Variants in AADAC observed in about 807,000 individuals in gnomAD.
AADAC encodes the protein arylacetamide deacetylase.
A neutral mutation model predicts 22.7 loss-of-function variants in AADAC; 17 were observed. That is an observed-to-expected ratio of 0.75 (90% CI 0.51 to 1.12). The LOEUF (loss-of-function observed/expected upper bound fraction) is 1.12, where lower values mean the gene tolerates loss of function less well. Among genes scored for constraint, AADAC ranks in the 50% most tolerant of loss-of-function variants. AADAC has a pLI of 0.00. For missense variants in AADAC, 465 were observed against 473.9 expected (o/e 0.98, Z 0.17); for synonymous variants, 167 against 176.3 (o/e 0.95, Z 0.42).
chr3:151,819,736 A>G (rs1214793185), intron 2 of AADAC, among the ~76,000 whole-genome samples: 1 of 151,966 alleles, frequency 6.6e-6, no homozygotes, highest in African/African-American at 2.4e-5. Flanking sequence ...ATAATTGGAT[A>G]TAGATAGGAA....
At chr3:151,814,345 T>A (rs756241352) in intron 1 of AADAC, 45 bp downstream of exon 1, 2 of 1,547,328 alleles carry the variant, frequency 1.3e-6, no homozygotes, top group South Asian at 2.4e-5. Flanking sequence ...ACACCACCAT[T>A]TGACCCAGAG....
intron 1 of AADAC, among the ~76,000 whole-genome samples, chr3:151,816,153 C>A (rs1192595763): frequency 6.6e-6 from 1 of 152,016 alleles, no homozygotes; most frequent in Non-Finnish European, 1.5e-5. Context: ...AAAGGATGGG[C>A]TGCAGGCAGG....
At chr3:151,817,629 T>A in intron 2 of AADAC, 41 bp downstream of exon 2, 1 of 1,577,920 alleles carries the variant, frequency 6.3e-7, no homozygotes, top group African/African-American at 1.3e-5. Context: ...CTGAGGTAGT[T>A]CGCAGACATT....
At chr3:151,826,117 G>T (rs774370961) in intron 4 of AADAC, among the ~76,000 whole-genome samples, 1 of 151,918 alleles carries the variant, frequency 6.6e-6, no homozygotes, top group Non-Finnish European at 1.5e-5. Context: ...CACACTAAAA[G>T]CATTTTGACT....
At chr3:151,821,831 T>A (rs1716267557) in intron 3 of AADAC, among the ~76,000 whole-genome samples, 1 of 151,940 alleles carries the variant, frequency 6.6e-6, no homozygotes, top group Admixed American at 6.6e-5. Flanking sequence ...ATTTTATTTA[T>A]ATTAAAGATG....
intron 3 of AADAC, 105 bp from the exon 4 acceptor site, chr3:151,824,558 G>T: frequency 1.2e-6 from 1 of 866,492 alleles, no homozygotes; most frequent in Non-Finnish European, 1.6e-6. Flanking sequence ...GTATTAGGTT[G>T]GTGCAAAAGT....
chr3:151,827,605 A>T lies in AADAC; in HGVS notation c.633A>T (p.Lys211Asn). ...TTGATGACCCAGATGTCAAGATCAA[A>T]CTCAAGATCCAGTCTTTAATTTATC... is the stretch of plus-strand genomic sequence containing the variant. ...QLLDDPDVKI[K>N]LKIQSLIYPA... is the part of the protein sequence containing the mutation. Residue 211 changes from lysine (K) to asparagine (N), a missense_variant, in exon 5 of 5, where the codon AAA (lysine) becomes AAT (asparagine). Lys to Asn is a moderately conservative substitution (Grantham distance 94). Coordinates refer to ENST00000232892, the MANE Select transcript of AADAC (RefSeq NM_001086.3). 1 of 1,581,938 alleles carries T rather than the reference A, an allele frequency of 6.3e-7. No individual in the cohort carries two copies. Among genetic ancestry groups the T allele is most frequent in the Non-Finnish European group, 8.6e-7 (1 of 1,163,884 alleles).
Position 151,827,743 on chromosome 3 carries a change from T to C in AADAC, c.771T>C (p.Asp257=), listed in dbSNP as rs756745068. Residue 257 remains aspartate, a synonymous_variant, in exon 5 of 5, where the codon GAT becomes GAC. Coordinates refer to ENST00000232892, the MANE Select transcript of AADAC (RefSeq NM_001086.3). ...TCTGGAGTGAATATTTTACCACTGA[T>C]AGATCACTTGAAAAAGCCATGCTTT... ...VRFWSEYFTT[D]RSLEKAMLSR... 11 of 1,613,148 alleles carry C rather than the reference T, an allele frequency of 6.8e-6. No individual in the cohort carries two copies. The highest frequency in any genetic ancestry group is 6.6e-5 in the South Asian group (6 of 91,046).
intron 3 of AADAC, among the ~76,000 whole-genome samples, chr3:151,821,338 T>C (rs530923295): frequency 1.3e-5 from 2 of 151,940 alleles, no homozygotes; most frequent in African/African-American, 4.8e-5. Context: ...ACAAAATAGA[T>C]GAGTTCATAT....
chr3:151,823,459 G>A (rs997474870), intron 3 of AADAC, among the ~76,000 whole-genome samples: 1 of 151,610 alleles, frequency 6.6e-6, no homozygotes, highest in African/African-American at 2.4e-5. Flanking sequence ...AAGTATAGGC[G>A]AAAGACTCAG....
Position 151,827,997 on chromosome 3 carries a change from A to G in AADAC, c.1025A>G (p.Tyr342Cys). ...LPLTYVITCQ[Y>C]DLLRDDGLMY... ...CTGACCTATGTCATCACCTGTCAATATGATCTCTTAAGAGATGATGGACTC... is the reference window on the plus strand; with the variant it reads ...CTGACCTATGTCATCACCTGTCAATGTGATCTCTTAAGAGATGATGGACTC... The change falls in exon 5 of 5, where the codon TAT becomes TGT. Residue 342 changes from tyrosine (Y) to cysteine (C), a missense_variant. Tyr to Cys is a radical substitution (Grantham distance 194). Coordinates refer to ENST00000232892, the MANE Select transcript of AADAC (RefSeq NM_001086.3). 1 of 1,613,188 alleles carries G rather than the reference A, an allele frequency of 6.2e-7. No homozygotes were observed. The highest frequency in any genetic ancestry group is 8.5e-7 in the Non-Finnish European group (1 of 1,179,434).
At chr3:151,827,382 T>A (rs377722329) in intron 4 of AADAC, among the ~76,000 whole-genome samples, 194 bp from the exon 5 acceptor site, 5 of 151,946 alleles carry the variant, frequency 3.3e-5, no homozygotes, top group Non-Finnish European at 5.9e-5. Flanking sequence ...TTGATGAACA[T>A]CTAGTTCTAG....
At chr3:151,816,292 G>A (rs1306031380) in intron 1 of AADAC, among the ~76,000 whole-genome samples, 5 of 151,946 alleles carry the variant, frequency 3.3e-5, no homozygotes, top group African/African-American at 9.7e-5. Flanking sequence ...CCAGTTCCTC[G>A]ACCTGCCAGG....
intron 4 of AADAC, among the ~76,000 whole-genome samples, chr3:151,825,591 T>C (rs2108035180): frequency 6.6e-6 from 1 of 152,002 alleles, no homozygotes; most frequent in South Asian, 2.1e-4. Context: ...CATTCAAAGA[T>C]TCCCATGCTA....
Position 151,827,758 on chromosome 3 carries a change from A to G in AADAC, c.786A>G (p.Lys262=), listed in dbSNP as rs1716561570. The G allele has an allele frequency of 6.2e-7, 1 of 1,613,176 alleles. No individual in the cohort carries two copies. Among genetic ancestry groups the G allele is most frequent in the Non-Finnish European group, 8.5e-7 (1 of 1,179,538 alleles). ...EYFTTDRSLE[K]AMLSRQHVPV... The stretch of plus-strand genomic sequence containing the variant: ...TTACCACTGATAGATCACTTGAAAA[A>G]GCCATGCTTTCCAGACAACATGTAC... The change falls in exon 5 of 5, where the codon AAA becomes AAG. Residue 262 remains lysine, a synonymous_variant. Transcript: ENST00000232892.
chr3:151,822,168 T>C (rs1716278700), intron 3 of AADAC, among the ~76,000 whole-genome samples: 1 of 151,864 alleles, frequency 6.6e-6, no homozygotes, highest in Non-Finnish European at 1.5e-5. Context: ...TATATATATT[T>C]AAAAAGATAA....
intron 1 of AADAC, among the ~76,000 whole-genome samples, chr3:151,815,531 C>T (rs757866010): frequency 1.1e-4 from 16 of 151,910 alleles, no homozygotes; most frequent in Non-Finnish European, 1.8e-4. Context: ...GAAAGGGACA[C>T]ATTTTTTTCC....
intron 3 of AADAC, among the ~76,000 whole-genome samples, chr3:151,821,931 T>G (rs1040087303): frequency 6.6e-6 from 1 of 151,820 alleles, no homozygotes; most frequent in Non-Finnish European, 1.5e-5. Flanking sequence ...AAAGATAAAA[T>G]ATACTTTAAA....
rs771436262 is a variant in AADAC, at chr3:151,827,772, G to A, written c.800G>A (p.Arg267Lys). The change falls in exon 5 of 5, where the codon AGA becomes AAA. Residue 267 changes from arginine (R) to lysine (K), a missense_variant. Transcript: ENST00000232892. ...DRSLEKAMLS[R>K]QHVPVESSHL... The stretch of plus-strand genomic sequence containing the variant: ...TCACTTGAAAAAGCCATGCTTTCCA[G>A]ACAACATGTACCTGTGGAATCAAGT... 7.4e-6 allele frequency: 12 copies of A among 1,613,296 alleles called. No homozygotes were observed. Among genetic ancestry groups the A allele is most frequent in the Middle Eastern group, 1.7e-4 (1 of 6,058 alleles).
Sources: gnomAD v4.1 joint callset for allele counts (sites outside exome capture counted in the v4.1 genomes callset) on GRCh38, gnomAD v4.1.1 for gene constraint, MANE v1.5 for transcripts, NCBI Gene and HGNC (gene_info 2026-07-23, HGNC 2026-07-21) for gene names.